CHD6: variants seen among roughly 807,000 people sequenced by gnomAD.
The protein encoded by CHD6 is ATP-dependent chromatin remodeler CHD6.
A neutral mutation model predicts 276.9 loss-of-function variants in CHD6; 50 were observed. The observed-to-expected ratio is 0.18, with a 90% CI of 0.14 to 0.23. The LOEUF (loss-of-function observed/expected upper bound fraction) is 0.23, where lower values mean the gene tolerates loss of function less well. Ranked by LOEUF, CHD6 falls within the 10% of genes least tolerant of loss-of-function variation. The pLI is 1.00. For synonymous variants in CHD6, 1,173 were observed against 1,229.3 expected (o/e 0.95, Z 0.96); for missense variants, 2,564 against 3,365.8 (o/e 0.76, Z 5.89).
intron 1 of CHD6, among the ~76,000 whole-genome samples, chr20:41,596,483 C>T (rs2045718810): frequency 6.6e-6 from 1 of 152,004 alleles, no homozygotes; most frequent in Admixed American, 6.6e-5. Flanking sequence ...ATCCGCAGGG[C>T]TGCTATGATA....
intron 23 of CHD6, among the ~76,000 whole-genome samples, chr20:41,448,464 ACACT>A (rs1352090870): frequency 6.6e-6 from 1 of 152,240 alleles, no homozygotes; most frequent in East Asian, 1.9e-4. Context: ...TGTATGGACC[ACACT>A]CAGGCTCCAA....
At position 41,407,799 on chromosome 20, in the gene CHD6, G is replaced by A. The variant is rs558028854; in HGVS notation, c.7252-2310C>T. On this transcript the variant is annotated intron_variant, in intron 36 of 36. Coordinates refer to ENST00000373233, the MANE Select transcript of CHD6 (RefSeq NM_032221.5). Reference sequence around the variant, plus strand: ...TGTCAGAGGCAGCAGGGAAGGCGGTGCTGATAAGAGGATGAGCAGCAGAAG... The same window carrying A: ...TGTCAGAGGCAGCAGGGAAGGCGGTACTGATAAGAGGATGAGCAGCAGAAG... Among the ~76,000 whole-genome samples, 5 of 152,326 alleles carry A rather than the reference G, an allele frequency of 3.3e-5. No individual in the cohort carries two copies. In the South Asian group the frequency reaches 1.0e-3, roughly 32 times the overall value.
chr20:41,418,580 T>G (rs1027749112), intron 31 of CHD6, among the ~76,000 whole-genome samples: 1 of 151,762 alleles, frequency 6.6e-6, no homozygotes, highest in Non-Finnish European at 1.5e-5. Flanking sequence ...AGCAGAGGAG[T>G]TGAATTTAAG....
In CHD6 at chr20:41,455,896, G is replaced by A. The variant is rs2048364232; in HGVS notation, c.2913C>T (p.Gly971=). 6.2e-7 allele frequency: 1 copy of A among 1,612,862 alleles called. No individual in the cohort carries two copies. The highest frequency in any genetic ancestry group is 2.2e-5 in the East Asian group (1 of 44,834). Reference sequence around the variant, plus strand: ...CTATGTCTTCTTCACAGAACTTGGAGCCTTCATCTTCTTCATCCATTAAGG... The same window carrying A: ...CTATGTCTTCTTCACAGAACTTGGAACCTTCATCTTCTTCATCCATTAAGG... ...YGALMDEEDE[G]SKFCEEDIDQ... is the part of the protein sequence containing the mutation. The change falls in exon 19 of 37, where the codon GGC becomes GGT. Residue 971 remains glycine, a synonymous_variant. Coordinates refer to ENST00000373233, the MANE Select transcript of CHD6 (RefSeq NM_032221.5).
At chr20:41,462,170 C>T (rs954056505) in intron 17 of CHD6, among the ~76,000 whole-genome samples, 1 of 152,162 alleles carries the variant, frequency 6.6e-6, no homozygotes, top group Non-Finnish European at 1.5e-5. Flanking sequence ...AGACAAAATA[C>T]ATCATGAGGT....
Position 41,445,776 on chromosome 20 carries a change from A to C in CHD6, c.3774-8T>G, listed in dbSNP as rs201626181. ...AGAGGTACATCCAGCTCCCTAGGGA[A>C]GGAAGGGTGTAGACTCAAAACAACA... is the stretch of plus-strand genomic sequence containing the variant. On this transcript the variant is annotated splice_polypyrimidine_tract_variant and splice_region_variant and intron_variant, in intron 24 of 36. Coordinates refer to ENST00000373233, the MANE Select transcript of CHD6 (RefSeq NM_032221.5). 26 of 1,586,380 alleles carry C rather than the reference A, an allele frequency of 1.6e-5. No homozygotes were observed. The East Asian group carries it at 5.4e-4, about 33-fold the overall frequency.
chr20:41,449,593 G>A (rs1275554601), intron 23 of CHD6, among the ~76,000 whole-genome samples: 1 of 152,168 alleles, frequency 6.6e-6, no homozygotes, highest in East Asian at 1.9e-4. Flanking sequence ...TGAACTCAAA[G>A]GGACACACAA....
intron 1 of CHD6, among the ~76,000 whole-genome samples, chr20:41,606,339 G>A (rs957133952): frequency 5.3e-5 from 8 of 152,116 alleles, no homozygotes; most frequent in South Asian, 2.1e-4. Flanking sequence ...GTGAAACCCC[G>A]TCTCTACTAA....
intron 17 of CHD6, among the ~76,000 whole-genome samples, chr20:41,457,961 T>C (rs1048561941): frequency 3.3e-5 from 5 of 152,230 alleles, no homozygotes; most frequent in African/African-American, 1.2e-4. Context: ...TTCTTACATA[T>C]TTCAATACAC....
Position 41,404,975 on chromosome 20 carries a change from C to A in CHD6, c.7766G>T (p.Gly2589Val), listed in dbSNP as rs956797008. Reference sequence around the variant, plus strand: ...AGACTGATCAGAAAATGGACCTGGACCAGGCTTGTCCTCAGCTAAAGTGTC... The same window carrying A: ...AGACTGATCAGAAAATGGACCTGGAACAGGCTTGTCCTCAGCTAAAGTGTC... Reference protein sequence around the residue: ...KTDTLAEDKPGPGPFSDQSEP... With the variant: ...KTDTLAEDKPVPGPFSDQSEP... Residue 2589 changes from glycine to valine, a missense_variant, in exon 37 of 37, where the codon GGT (glycine) becomes GTT (valine). Around this residue, in one of 7 missense-constraint regions of CHD6, gnomAD observed 238 missense variants for 266.0 expected, o/e 0.89. Transcript: ENST00000373233. The A allele has an allele frequency of 6.2e-7, 1 of 1,614,244 alleles. No homozygotes were observed. Among genetic ancestry groups the A allele is most frequent in the Admixed American group, 1.7e-5 (1 of 60,026 alleles).
At chr20:41,408,405 G>C (rs2046743772) in intron 36 of CHD6, among the ~76,000 whole-genome samples, 1 of 152,194 alleles carries the variant, frequency 6.6e-6, no homozygotes, top group South Asian at 2.1e-4. Flanking sequence ...GAGGATCACT[G>C]GGGACGCAAT....
At chr20:41,544,047 C>T (rs183375291) in intron 2 of CHD6, among the ~76,000 whole-genome samples, 1 of 152,188 alleles carries the variant, frequency 6.6e-6, no homozygotes, top group East Asian at 1.9e-4. Flanking sequence ...TGAGATCAGC[C>T]TGGGCAAAAT....
At chr20:41,456,310 G>A (rs2048375819) in intron 18 of CHD6, among the ~76,000 whole-genome samples, 1 of 151,712 alleles carries the variant, frequency 6.6e-6, no homozygotes, top group African/African-American at 2.4e-5. Flanking sequence ...TTATATTTTA[G>A]TTAGAGCTTG....
chr20:41,425,434 A>G (rs1263722315), intron 28 of CHD6, 40 bp from the exon 29 acceptor site: 1 of 1,551,652 alleles, frequency 6.4e-7, no homozygotes, highest in African/African-American at 1.4e-5. Flanking sequence ...TACAAACAGA[A>G]CTAAAACAGG....
In CHD6 at chr20:41,533,355, C is replaced by T; in HGVS notation, c.249G>A (p.Glu83=). ...CTCCAGTACCTCCTCCTCCACTGTC[C>T]TCCATCCCATTATGGGATGTCATTT... is the stretch of plus-strand genomic sequence containing the variant. ...PRKMTSHNGM[E]DSGGGGTGVK... is the part of the protein sequence containing the mutation. Residue 83 remains glutamate, a synonymous_variant, in exon 3 of 37, where the codon GAG becomes GAA. Coordinates refer to ENST00000373233, the MANE Select transcript of CHD6 (RefSeq NM_032221.5). 6.2e-7 allele frequency: 1 copy of T among 1,614,082 alleles called. No homozygotes were observed. Among genetic ancestry groups the T allele is most frequent in the Non-Finnish European group, 8.5e-7 (1 of 1,180,014 alleles).
At chr20:41,483,620 T>C in intron 15 of CHD6, 101 bp from the exon 16 acceptor site, 1 of 861,082 alleles carries the variant, frequency 1.2e-6, no homozygotes, top group South Asian at 1.8e-5. Context: ...AATTCTTAGG[T>C]CCTAGACCAG....
At chr20:41,598,683 T>C (rs1052501436) in intron 1 of CHD6, among the ~76,000 whole-genome samples, 3 of 152,148 alleles carry the variant, frequency 2.0e-5, no homozygotes, top group African/African-American at 7.2e-5. Flanking sequence ...CCAATGTCAA[T>C]TTCACCTCGT....
intron 2 of CHD6, among the ~76,000 whole-genome samples, chr20:41,541,424 G>A (rs534241403): frequency 6.6e-6 from 1 of 152,314 alleles, no homozygotes; most frequent in South Asian, 2.1e-4. Flanking sequence ...TCAGTTGCAG[G>A]TATTTAAGGA....
chr20:41,433,159 C>G lies in CHD6; in HGVS notation c.4068+4115G>C, dbSNP rs151044613. Reference sequence around the variant, plus strand: ...ATCTAATTTTCATTTTATTGGTTTCCCAGAAGGCGAGGAGAAAGAGGACAG... The same window carrying G: ...ATCTAATTTTCATTTTATTGGTTTCGCAGAAGGCGAGGAGAAAGAGGACAG... On this transcript the variant is annotated intron_variant, in intron 27 of 36. Coordinates refer to ENST00000373233, the MANE Select transcript of CHD6 (RefSeq NM_032221.5). 3.6e-4 allele frequency among the ~76,000 whole-genome samples: 55 copies of G among 151,836 alleles called. 1 individual carries two copies. The highest frequency in any genetic ancestry group is 1.3e-3 in the African/African-American group (52 of 41,418).
Sources: allele counts gnomAD v4.1 joint callset (sites outside exome capture counted in the v4.1 genomes callset), GRCh38; gene constraint gnomAD v4.1.1; regional missense constraint gnomAD v4.1.1; transcripts MANE v1.5; gene names NCBI Gene and HGNC (gene_info 2026-07-23, HGNC 2026-07-21).